SOBP: variants seen among roughly 807,000 people sequenced by gnomAD.
The protein encoded by SOBP is sine oculis-binding protein homolog.
Under a neutral mutation model 53.6 loss-of-function variants are expected in SOBP, and 4 were observed. That is an observed-to-expected ratio of 0.07 (90% CI 0.04 to 0.17). The LOEUF (loss-of-function observed/expected upper bound fraction) is 0.17, where lower values mean the gene tolerates loss of function less well. SOBP is among the 10% of genes least tolerant of loss of function. The pLI is 1.00. For missense variants in SOBP, 1,088 were observed against 1,204.7 expected (o/e 0.90, Z 1.43); for synonymous variants, 584 against 522.6 (o/e 1.12, Z -1.60).
At chr6:107,542,578 AG>A (rs1784180215) in intron 4 of SOBP, among the ~76,000 whole-genome samples, 1 of 152,156 alleles carries the variant, frequency 6.6e-6, no homozygotes, top group Non-Finnish European at 1.5e-5. Context: ...CCCGTATGCA[AG>A]GGGGATTTGA....
rs1266846802 is a variant in SOBP at position 107,634,278 on chromosome 6, G to A, written c.1434G>A (p.Pro478=). 2 of 1,414,326 alleles carry A rather than the reference G, an allele frequency of 1.4e-6. No homozygotes were observed. Among genetic ancestry groups the A allele is most frequent in the Non-Finnish European group, 9.2e-7 (1 of 1,085,538 alleles). The allele number at this position is 1,414,326 out of a possible 1,614,324, so 87.6% of individuals were successfully genotyped here. A position where few individuals can be genotyped will look rare whatever the true frequency, so the allele number is the denominator to read the frequency against. ...MPGNPPGLLP[P]PPPGAPLPSL... is the part of the protein sequence containing the mutation. ...GGAACCCCCCAGGCCTGCTGCCCCC[G>A]CCGCCTCCGGGCGCCCCGCTGCCGA... is the stretch of plus-strand genomic sequence containing the variant. Residue 478 remains proline (P), a synonymous_variant, in exon 6 of 7, where the codon CCG becomes CCA. Coordinates refer to ENST00000317357, the MANE Select transcript of SOBP (RefSeq NM_018013.4). This position sits in a 1 kb window ranked among gnomAD's most constrained non-coding sequence, Gnocchi z 4.5.
intron 1 of SOBP, 49 bp downstream of exon 1, chr6:107,490,761 C>G (rs751300371): frequency 1.4e-6 from 2 of 1,423,490 alleles, no homozygotes; most frequent in Non-Finnish European, 9.7e-7. Flanking sequence ...TTCTTGCGCC[C>G]GCTCCCCGTG....
At chr6:107,566,900 C>T (rs1164936499) in intron 4 of SOBP, among the ~76,000 whole-genome samples, 1 of 152,192 alleles carries the variant, frequency 6.6e-6, no homozygotes, top group Non-Finnish European at 1.5e-5. Flanking sequence ...AACCTTGGTC[C>T]AGTCAACTCA....
Position 107,659,760 on chromosome 6 carries a change from C to T in SOBP, c.*1557C>T, listed in dbSNP as rs940604680. ...TGTACATACTGTATTTCTAGATTCT[C>T]CTTTGTACAGAGTCACTTCACAAGT... On this transcript the variant is annotated 3_prime_UTR_variant, in exon 7 of 7. Coordinates refer to ENST00000317357, the MANE Select transcript of SOBP (RefSeq NM_018013.4). The T allele has an allele frequency of 6.5e-6, 1 of 152,766 alleles. No homozygotes were observed. The highest frequency in any genetic ancestry group is 1.5e-5 in the Non-Finnish European group (1 of 68,044). 9.5% of individuals were successfully genotyped at this position (152,766 alleles called of 1,614,324 possible). A position where few individuals can be genotyped will look rare whatever the true frequency, so the allele number is the denominator to read the frequency against.
intron 3 of SOBP, among the ~76,000 whole-genome samples, chr6:107,507,850 C>G (rs1174645236): frequency 6.6e-6 from 1 of 151,846 alleles, no homozygotes; most frequent in Non-Finnish European, 1.5e-5. Flanking sequence ...GTAATTCATT[C>G]TTATATTTCC....
chr6:107,589,548 A>G (rs1038721765), intron 5 of SOBP, among the ~76,000 whole-genome samples: 1 of 152,194 alleles, frequency 6.6e-6, no homozygotes, highest in Non-Finnish European at 1.5e-5. Context: ...TGATAGAAAA[A>G]TCTGCTATGC....
intron 6 of SOBP, among the ~76,000 whole-genome samples, chr6:107,649,568 G>A (rs1446185235): frequency 6.6e-6 from 1 of 151,366 alleles, no homozygotes; most frequent in East Asian, 1.9e-4. Context: ...CTAGGCTCTT[G>A]TTCAAAATTT....
intron 5 of SOBP, among the ~76,000 whole-genome samples, chr6:107,598,498 G>A (rs1786033426): frequency 6.6e-6 from 1 of 152,186 alleles, no homozygotes; most frequent in Non-Finnish European, 1.5e-5. Context: ...GAGACAGCCT[G>A]TGCTAGCGTC....
intron 5 of SOBP, among the ~76,000 whole-genome samples, chr6:107,619,727 T>C (rs998612600): frequency 5.3e-5 from 8 of 152,074 alleles, no homozygotes; most frequent in Non-Finnish European, 1.2e-4. Context: ...AAGAGGCATG[T>C]CCTGGTGTAA....
At chr6:107,553,835 T>G (rs1169613230) in intron 4 of SOBP, among the ~76,000 whole-genome samples, 1 of 152,170 alleles carries the variant, frequency 6.6e-6, no homozygotes, top group Non-Finnish European at 1.5e-5. Flanking sequence ...TTGGCCAGAC[T>G]GGTCTTGAAC....
chr6:107,656,901 G>A (rs1432922767), intron 6 of SOBP, among the ~76,000 whole-genome samples: 2 of 152,214 alleles, frequency 1.3e-5, no homozygotes, highest in African/African-American at 2.4e-5. Context: ...CAGTTGTAAA[G>A]ATGTTTACAA....
chr6:107,517,065 C>G (rs1275815227), intron 3 of SOBP, among the ~76,000 whole-genome samples: 1 of 151,922 alleles, frequency 6.6e-6, no homozygotes, highest in African/African-American at 2.4e-5. Context: ...TTCAAACAAT[C>G]TTGAAGAAAA....
intron 6 of SOBP, among the ~76,000 whole-genome samples, chr6:107,642,551 T>C (rs1398518493): frequency 6.6e-6 from 1 of 152,232 alleles, no homozygotes; most frequent in Non-Finnish European, 1.5e-5. Context: ...GTGGTCCAGA[T>C]GTACAGCCCT....
At chr6:107,595,587 A>G (rs781521808) in intron 5 of SOBP, among the ~76,000 whole-genome samples, 5 of 152,198 alleles carry the variant, frequency 3.3e-5, no homozygotes, top group Non-Finnish European at 7.3e-5. Context: ...CAAGGAAACT[A>G]TACATCATAT....
chr6:107,595,350 C>CTTTT (rs745477007), intron 5 of SOBP, among the ~76,000 whole-genome samples: 6,604 of 88,026 alleles, frequency 0.075, 378 homozygotes, highest in East Asian at 0.16. Flanking sequence ...GATTTTGATC[C>CTTTT]TTTTTTTTTT....
At chr6:107,604,620 CCTT>C (rs1786302735) in intron 5 of SOBP, among the ~76,000 whole-genome samples, 2 of 152,050 alleles carry the variant, frequency 1.3e-5, no homozygotes, top group South Asian at 4.2e-4. Flanking sequence ...CTCCCCACCT[CCTT>C]CTCTTTGGAA....
intron 3 of SOBP, among the ~76,000 whole-genome samples, chr6:107,530,612 C>T (rs937810128): frequency 6.6e-6 from 1 of 151,754 alleles, no homozygotes; most frequent in Non-Finnish European, 1.5e-5. Flanking sequence ...TTGAATAACC[C>T]AATTATCAGA....
chr6:107,500,885 C>T (rs999548851), intron 1 of SOBP, among the ~76,000 whole-genome samples: 3 of 152,104 alleles, frequency 2.0e-5, no homozygotes, highest in Non-Finnish European at 4.4e-5. Flanking sequence ...ATAGTGTATA[C>T]AACAGAAGTA....
At chr6:107,618,125 G>A (rs926712811) in intron 5 of SOBP, among the ~76,000 whole-genome samples, 2 of 152,026 alleles carry the variant, frequency 1.3e-5, no homozygotes, top group South Asian at 2.1e-4. Flanking sequence ...CACCGTGCGC[G>A]GCCCGTATGC....
Sources: gnomAD v4.1 joint callset for allele counts (sites outside exome capture counted in the v4.1 genomes callset) on GRCh38, gnomAD v4.1.1 for gene constraint, Gnocchi (gnomAD v3.1) non-coding constraint, MANE v1.5 for transcripts, NCBI Gene and HGNC (gene_info 2026-07-23, HGNC 2026-07-21) for gene names.